Variants in STN1 observed in about 807,000 individuals in gnomAD.
The protein encoded by STN1 is STN1 subunit of CST complex.
A neutral mutation model predicts 45.5 loss-of-function variants in STN1; 29 were observed. That is an observed-to-expected ratio of 0.64 (90% confidence interval 0.47 to 0.87). STN1 has a LOEUF of 0.87. Among genes scored for constraint, STN1 ranks in the 40% least tolerant of loss-of-function variants. STN1 has a pLI of 0.00. For missense variants in STN1, 376 were observed against 441.4 expected (o/e 0.85, Z 1.33); for synonymous variants, 148 against 159.0 (o/e 0.93, Z 0.52).
intron 9 of STN1, among the ~76,000 whole-genome samples, chr10:103,888,312 C>A (rs1438375642): frequency 1.3e-5 from 2 of 151,470 alleles, no homozygotes; most frequent in Admixed American, 1.3e-4. Flanking sequence ...CATTAACAAA[C>A]TTTTCCAACA....
intron 3 of STN1, among the ~76,000 whole-genome samples, chr10:103,909,500 A>ATATATG (rs1564635164): frequency 9.3e-5 from 5 of 53,996 alleles, no homozygotes; most frequent in South Asian, 6.1e-4. Flanking sequence ...GTGTGTGTAT[A>ATATATG]TGTATATATG....
intron 3 of STN1, among the ~76,000 whole-genome samples, chr10:103,907,530 T>C (rs977186601): frequency 1.1e-4 from 17 of 152,140 alleles, no homozygotes; most frequent in Non-Finnish European, 2.5e-4. Context: ...ATATGCATAA[T>C]AGTACTAAGG....
At chr10:103,895,062 T>G (rs1843162543) in intron 7 of STN1, among the ~76,000 whole-genome samples, 1 of 152,214 alleles carries the variant, frequency 6.6e-6, no homozygotes. Flanking sequence ...TAAAGCACCT[T>G]TAGTCTCCCA....
intron 2 of STN1, among the ~76,000 whole-genome samples, chr10:103,917,258 T>TA (rs5787502): frequency 0.023 from 2,129 of 90,628 alleles, 78 homozygotes; most frequent in African/African-American, 0.084. Flanking sequence ...AAACACCTAC[T>TA]AAAAAAAAAA....
chr10:103,892,585 A>C (rs1589497683), intron 7 of STN1, among the ~76,000 whole-genome samples: 1 of 152,036 alleles, frequency 6.6e-6, no homozygotes, highest in Non-Finnish European at 1.5e-5. Context: ...AAAACACTGT[A>C]TATATATATT....
intron 9 of STN1, among the ~76,000 whole-genome samples, 200 bp from the exon 10 acceptor site, chr10:103,883,041 C>T (rs529234237): frequency 4.6e-5 from 7 of 152,282 alleles, no homozygotes; most frequent in Admixed American, 3.9e-4. Flanking sequence ...GTCACCACGG[C>T]GACATGGAGC....
At chr10:103,915,157 C>T (rs1277176983) in intron 2 of STN1, among the ~76,000 whole-genome samples, 1 of 152,230 alleles carries the variant, frequency 6.6e-6, no homozygotes, top group Non-Finnish European at 1.5e-5. Flanking sequence ...TGCCCCCTGA[C>T]ACACCAACAC....
intron 8 of STN1, among the ~76,000 whole-genome samples, chr10:103,890,868 G>C (rs11191847): frequency 0.44 from 67,576 of 152,114 alleles, 15,733 homozygotes; most frequent in Non-Finnish European, 0.5. Context: ...CACAGAATTT[G>C]ATCAGTCTCT....
chr10:103,899,168 A>G (rs2134366009), intron 5 of STN1, among the ~76,000 whole-genome samples, 168 bp from the exon 6 acceptor site: 1 of 152,324 alleles, frequency 6.6e-6, no homozygotes, highest in African/African-American at 2.4e-5. Context: ...AATGGCTCCC[A>G]GTCATCCTGC....
At chr10:103,911,694 G>A (rs978384856) in intron 2 of STN1, among the ~76,000 whole-genome samples, 1 of 151,988 alleles carries the variant, frequency 6.6e-6, no homozygotes, top group Admixed American at 6.6e-5. Context: ...ATAAATATAC[G>A]AATTCTAAAT....
chr10:103,892,103 A>G lies in STN1; in HGVS notation c.876+27T>C, dbSNP rs758931010. 4 of 1,551,090 alleles carry G rather than the reference A, an allele frequency of 2.6e-6. No homozygotes were observed. The South Asian group carries it at 3.7e-5, about 14-fold the overall frequency. On this transcript the variant is annotated intron_variant, in intron 8 of 9. Coordinates refer to ENST00000224950, the MANE Select transcript of STN1 (RefSeq NM_024928.5). ...ATATTTGTAATTGAAGCTACAAAGA[A>G]AAAAAGTTAAGTTGCAAGTGTCTTA... is the stretch of plus-strand genomic sequence containing the variant.
At position 103,898,981 on chromosome 10, in the gene STN1, C is replaced by T; in HGVS notation, c.477G>A (p.Val159=). The T allele has an allele frequency of 6.2e-7, 1 of 1,614,138 alleles. No homozygotes were observed. The highest frequency in any genetic ancestry group is 1.3e-5 in the African/African-American group (1 of 75,060). ...GCATCCTTGCAATTTGAATGTTCCA[C>T]ACTGGGTCGTCCACTTTATCTAACA... ...ATTYYKVDDP[V]WNIQIARMLE... Residue 159 remains valine (V), a synonymous_variant, in exon 6 of 10, where the codon GTG becomes GTA. Transcript: ENST00000224950.
At chr10:103,898,776 A>T in intron 6 of STN1, 101 bp downstream of exon 6, 1 of 1,393,840 alleles carries the variant, frequency 7.2e-7, no homozygotes, top group Non-Finnish European at 1.0e-6. Context: ...GCATAGGTGG[A>T]TGATTCGGGA....
chr10:103,906,716 T>C (rs1292302984), intron 3 of STN1, among the ~76,000 whole-genome samples: 2 of 151,378 alleles, frequency 1.3e-5, no homozygotes, highest in Non-Finnish European at 2.9e-5. Flanking sequence ...AAGATCAACA[T>C]CACAAGAGAA....
intron 8 of STN1, among the ~76,000 whole-genome samples, chr10:103,889,951 C>T (rs1051676112): frequency 1.3e-5 from 2 of 152,156 alleles, no homozygotes; most frequent in Non-Finnish European, 2.9e-5. Flanking sequence ...TGATTCCACC[C>T]GACTTGGCCT....
intron 8 of STN1, among the ~76,000 whole-genome samples, chr10:103,891,628 T>C (rs10883942): frequency 0.44 from 67,683 of 152,106 alleles, 15,763 homozygotes; most frequent in Non-Finnish European, 0.5. Context: ...AGCAAAAAGG[T>C]TCTTGCATAA....
rs1176808389 is a variant in STN1 at position 103,881,643 on chromosome 10, G to T, written c.*1041C>A. Among the ~76,000 whole-genome samples, 1 of 152,204 alleles carries T rather than the reference G, an allele frequency of 6.6e-6. No homozygotes were observed. Among genetic ancestry groups the T allele is most frequent in the African/African-American group, 2.4e-5 (1 of 41,462 alleles). On this transcript the variant is annotated 3_prime_UTR_variant, in exon 10 of 10. Transcript: ENST00000224950. ...AGGATCTCCAGCTGAGCCACGAAGA[G>T]CTTATCACATCAAGAGCAAATGCAG... is the stretch of plus-strand genomic sequence containing the variant.
chr10:103,891,935 T>C (rs1843142124), intron 8 of STN1, among the ~76,000 whole-genome samples, 195 bp downstream of exon 8: 1 of 152,208 alleles, frequency 6.6e-6, no homozygotes, highest in Non-Finnish European at 1.5e-5. Flanking sequence ...CCCATGCAAT[T>C]CAAACTTGTG....
At chr10:103,908,652 T>C (rs911125634) in intron 3 of STN1, among the ~76,000 whole-genome samples, 15 of 152,244 alleles carry the variant, frequency 9.9e-5, no homozygotes, top group South Asian at 2.1e-4. Flanking sequence ...CTTTTTATTT[T>C]CCCAAAGCCC....
Sources: gnomAD v4.1 joint callset for allele counts (sites outside exome capture counted in the v4.1 genomes callset) on GRCh38, gnomAD v4.1.1 for gene constraint, MANE v1.5 for transcripts, NCBI Gene and HGNC (gene_info 2026-07-23, HGNC 2026-07-21) for gene names.